Variants in GNMT observed in about 807,000 individuals in gnomAD.
The protein encoded by GNMT is epididymis secretory sperm binding protein Li 182mP.
GNMT carries 26 observed loss-of-function variants against 30.2 expected under a neutral mutation model. That is an observed-to-expected ratio of 0.86 (90% CI 0.63 to 1.19). The LOEUF is 1.19. GNMT is among the 50% of genes most tolerant of loss of function. GNMT has a pLI of 0.00. For missense variants in GNMT, 365 were observed against 398.1 expected, an observed-to-expected ratio of 0.92 and a Z score of 0.71; for synonymous variants, 163 against 163.8, an observed-to-expected ratio of 1.00 and a Z score of 0.04.
chr6:42,962,738 C>G, intron 2 of GNMT, 24 bp from the exon 3 acceptor site: 1 of 1,536,996 alleles, frequency 6.5e-7, no homozygotes. Context: ...CTCCCTGATT[C>G]CTCTTTCTCT....
chr6:42,963,622 C>T lies in GNMT; in HGVS notation c.804C>T (p.Ser268=), dbSNP rs775972832. ...CCTTCGGAGGTAAGTGCCAGCACAG[C>T]GTCCTGGGCGACTTCAAGCCTTACA... ...QAAFGGKCQH[S]VLGDFKPYKP... Residue 268 remains serine (S), a synonymous_variant, in exon 6 of 6, where the codon AGC becomes AGT. Transcript: ENST00000372808. 44 of 1,614,010 alleles carry T rather than the reference C, an allele frequency of 2.7e-5. No homozygotes were observed. Among genetic ancestry groups the T allele is most frequent in the South Asian group, 7.7e-5 (7 of 91,076 alleles).
Position 42,963,630 on chromosome 6 carries a change from G to A in GNMT, c.812G>A (p.Gly271Asp). 2.5e-6 allele frequency: 4 copies of A among 1,614,178 alleles called. No individual in the cohort carries two copies. Among genetic ancestry groups the A allele is most frequent in the Non-Finnish European group, 3.4e-6 (4 of 1,180,000 alleles). ...GGTAAGTGCCAGCACAGCGTCCTGG[G>A]CGACTTCAAGCCTTACAAGCCAGGC... ...FGGKCQHSVL[G>D]DFKPYKPGQT... Residue 271 changes from glycine (G) to aspartate (D), a missense_variant, in exon 6 of 6, where the codon GGC (glycine) becomes GAC (aspartate). Gly to Asp is a moderately conservative substitution (Grantham distance 94). Around this residue, in one of 3 missense-constraint regions of GNMT, gnomAD observed 232 missense variants for 263.0 expected, o/e 0.88. Transcript: ENST00000372808.
chr6:42,962,876 AAGGTAAGAGAGGGTGTGGCCTTG>A lies in GNMT; in HGVS notation c.450_451+21del, dbSNP rs1337463847. ...AGTTTCGCTCACTTGCCAGACTGCAAAGGTAAGAGAGGGTGTGGCCTTGGGCATGGCCCCCGCCTTGAGGCCCC... is the reference window on the plus strand; with the variant it reads ...AGTTTCGCTCACTTGCCAGACTGCAAGGCATGGCCCCCGCCTTGAGGCCCC... On this transcript the variant is annotated splice_donor_variant and splice_donor_5th_base_variant and coding_sequence_variant and intron_variant, in exon 3 of 6. Coordinates refer to ENST00000372808, the MANE Select transcript of GNMT (RefSeq NM_018960.6). LOFTEE classifies it high-confidence loss of function. 6.2e-7 allele frequency: 1 copy of A among 1,611,314 alleles called. No homozygotes were observed. The highest frequency in any genetic ancestry group is 8.5e-7 in the Non-Finnish European group (1 of 1,177,506).
At chr6:42,962,977 G>A in intron 3 of GNMT, 95 bp from the exon 4 acceptor site, 1 of 1,591,156 alleles carries the variant, frequency 6.3e-7, no homozygotes, top group Non-Finnish European at 8.6e-7. Context: ...TCTCTGCCTT[G>A]GCTCTGGCAC....
chr6:42,962,196 C>A lies in GNMT; in HGVS notation c.207-16C>A. 6.2e-7 allele frequency: 1 copy of A among 1,614,016 alleles called. No individual in the cohort carries two copies. Among genetic ancestry groups the A allele is most frequent in the South Asian group, 1.1e-5 (1 of 91,080 alleles). ...CTAACTGCCTCTCTCTGCCTCTCCT[C>A]GCTGGCCGTACTCAGGGTGGACTCC... On this transcript the variant is annotated splice_polypyrimidine_tract_variant and intron_variant, in intron 1 of 5. Transcript: ENST00000372808.
Position 42,962,898 on chromosome 6 carries a change from T to C in GNMT, c.451+20T>C. On this transcript the variant is annotated intron_variant, in intron 3 of 5. Coordinates refer to ENST00000372808, the MANE Select transcript of GNMT (RefSeq NM_018960.6). The stretch of plus-strand genomic sequence containing the variant: ...GCAAAGGTAAGAGAGGGTGTGGCCT[T>C]GGGCATGGCCCCCGCCTTGAGGCCC... The C allele has an allele frequency of 1.9e-6, 3 of 1,597,374 alleles. No homozygotes were observed. The highest frequency in any genetic ancestry group is 2.6e-6 in the Non-Finnish European group (3 of 1,164,700).
chr6:42,962,458 A>C, intron 2 of GNMT, 119 bp downstream of exon 2: 1 of 1,084,812 alleles, frequency 9.2e-7, no homozygotes, highest in Non-Finnish European at 1.4e-6. Context: ...GGAGACAGAA[A>C]AATTACTGTC....
At position 42,963,753 on chromosome 6, in the gene GNMT, C is replaced by G; in HGVS notation, c.*47C>G. On this transcript the variant is annotated 3_prime_UTR_variant, in exon 6 of 6. Transcript: ENST00000372808. ...GCCTCTGCCCAGGCACTGCTAGGCTCTGTCTGGAAGATGGGGACCAGCAGC... is the reference window on the plus strand; with the variant it reads ...GCCTCTGCCCAGGCACTGCTAGGCTGTGTCTGGAAGATGGGGACCAGCAGC... 1 of 1,587,856 alleles carries G rather than the reference C, an allele frequency of 6.3e-7. No homozygotes were observed. The highest frequency in any genetic ancestry group is 2.2e-5 in the East Asian group (1 of 44,760).
At position 42,963,725 on chromosome 6, in the gene GNMT, CA is replaced by C; in HGVS notation, c.*21del. On this transcript the variant is annotated 3_prime_UTR_variant, in exon 6 of 6. Coordinates refer to ENST00000372808, the MANE Select transcript of GNMT (RefSeq NM_018960.6). ...AGACTGAGTGTGGCCTCAGCTCCCA[CA>C]AGCCTCTGCCCAGGCACTGCTAGGC... is the stretch of plus-strand genomic sequence containing the variant. 6.2e-7 allele frequency: 1 copy of C among 1,612,644 alleles called. No individual in the cohort carries two copies. The highest frequency in any genetic ancestry group is 8.5e-7 in the Non-Finnish European group (1 of 1,178,848).
At position 42,963,725 on chromosome 6, in the gene GNMT, C is replaced by G. The variant is rs766361112; in HGVS notation, c.*19C>G. 6.2e-7 allele frequency: 1 copy of G among 1,612,646 alleles called. No homozygotes were observed. The highest frequency in any genetic ancestry group is 8.5e-7 in the Non-Finnish European group (1 of 1,178,850). On this transcript the variant is annotated 3_prime_UTR_variant, in exon 6 of 6. Transcript: ENST00000372808. ...AGACTGAGTGTGGCCTCAGCTCCCA[C>G]AAGCCTCTGCCCAGGCACTGCTAGG...
In GNMT at chr6:42,963,189, C is replaced by T. The variant is rs1358464592; in HGVS notation, c.569C>T (p.Pro190Leu). 1.2e-6 allele frequency: 2 copies of T among 1,603,940 alleles called. No homozygotes were observed. The highest frequency in any genetic ancestry group is 1.7e-6 in the Non-Finnish European group (2 of 1,178,248). Residue 190 changes from proline (P) to leucine (L), a missense_variant, in exon 4 of 6, where the codon CCC becomes CTC. By Grantham distance (98) the Pro-to-Leu change is moderately conservative. This residue lies in a region of GNMT where 232 missense variants were observed against 263.0 expected (regional missense o/e 0.88). Coordinates refer to ENST00000372808, the MANE Select transcript of GNMT (RefSeq NM_018960.6). ...YDHILSTGCA[P>L]PGKNIYYKSD... ...CACATCCTCAGTACAGGCTGTGCAC[C>T]CCCAGGGAAGAACATCTACTATAAG...
Position 42,960,983 on chromosome 6 carries a change from G to A in GNMT, c.206+10G>A, listed in dbSNP as rs1193320335. 2 of 1,537,650 alleles carry A rather than the reference G, an allele frequency of 1.3e-6. No homozygotes were observed. Among genetic ancestry groups the A allele is most frequent in the East Asian group, 2.4e-5 (1 of 41,530 alleles). On this transcript the variant is annotated intron_variant, in intron 1 of 5. Transcript: ENST00000372808. ...TAGCCTGTGGCACTGGGTGAGCCCAGGCCGGGGCCGGGGGCGTTGCATGAG... is the reference window on the plus strand; with the variant it reads ...TAGCCTGTGGCACTGGGTGAGCCCAAGCCGGGGCCGGGGGCGTTGCATGAG...
At chr6:42,961,623 G>A (rs58057801) in intron 1 of GNMT, among the ~76,000 whole-genome samples, 3,425 of 145,220 alleles carry the variant, frequency 0.024, 129 homozygotes, top group African/African-American at 0.082. Context: ...GCTCCATCTC[G>A]GCTCACTGCA....
rs762385341 is a variant in GNMT, at chr6:42,960,762, C to T, written c.-6C>T. On this transcript the variant is annotated 5_prime_UTR_variant, in exon 1 of 6. Coordinates refer to ENST00000372808, the MANE Select transcript of GNMT (RefSeq NM_018960.6). ...CGGGTGGCTGCGGAGCCAGGCGCGGCGCAGGATGGTGGACAGCGTGTACCG... is the reference window on the plus strand; with the variant it reads ...CGGGTGGCTGCGGAGCCAGGCGCGGTGCAGGATGGTGGACAGCGTGTACCG... 1.5e-5 allele frequency: 22 copies of T among 1,515,908 alleles called. 1 individual carries two copies. In the South Asian group the frequency reaches 1.9e-4, roughly 13 times the overall value. The allele number at this position is 1,515,908 out of a possible 1,614,324, so 93.9% of individuals were successfully genotyped here.
chr6:42,963,047 C>G (rs774236296), intron 3 of GNMT, 25 bp from the exon 4 acceptor site: 30 of 1,610,884 alleles, frequency 1.9e-5, no homozygotes, highest in Non-Finnish European at 2.5e-5. Context: ...CAGATGGAGT[C>G]TTTCTGCCCG....
intron 1 of GNMT, among the ~76,000 whole-genome samples, chr6:42,961,607 G>A (rs1769394317): frequency 6.8e-6 from 1 of 147,900 alleles, no homozygotes; most frequent in Admixed American, 6.9e-5. Flanking sequence ...AGGCTGGAGT[G>A]CAGTGGCTCC....
intron 5 of GNMT, 34 bp downstream of exon 5, chr6:42,963,483 T>C: frequency 6.2e-7 from 1 of 1,613,610 alleles, no homozygotes; most frequent in Admixed American, 1.7e-5. Flanking sequence ...GAGGCGGTAG[T>C]TGGGGGAGCT....
chr6:42,963,540 T>G lies in GNMT; in HGVS notation c.722T>G (p.Phe241Cys). Residue 241 changes from phenylalanine (F) to cysteine (C), a missense_variant, in exon 6 of 6, where the codon TTC (phenylalanine) becomes TGC (cysteine). Coordinates refer to ENST00000372808, the MANE Select transcript of GNMT (RefSeq NM_018960.6). ...TGCTGGGGCCTCTGTTACAGTAAGTTCCGGCTCTCCTACTACCCACACTGT... is the reference window on the plus strand; with the variant it reads ...TGCTGGGGCCTCTGTTACAGTAAGTGCCGGCTCTCCTACTACCCACACTGT... ...GQDGSPGLSK[F>C]RLSYYPHCLA... 3 of 1,613,980 alleles carry G rather than the reference T, an allele frequency of 1.9e-6. No homozygotes were observed. Among genetic ancestry groups the G allele is most frequent in the Non-Finnish European group, 2.5e-6 (3 of 1,179,892 alleles).
intron 1 of GNMT, among the ~76,000 whole-genome samples, chr6:42,961,550 CTTT>C (rs575786265): frequency 4.2e-4 from 55 of 130,636 alleles, no homozygotes; most frequent in African/African-American, 1.5e-3. Context: ...CTATTTTTCT[CTTT>C]TTTTTTTTTT....
Sources: allele counts gnomAD v4.1 joint callset (sites outside exome capture counted in the v4.1 genomes callset), GRCh38; gene constraint gnomAD v4.1.1; regional missense constraint gnomAD v4.1.1; transcripts MANE v1.5; gene names NCBI Gene and HGNC (gene_info 2026-07-23, HGNC 2026-07-21).